Variants in POLR1B observed in about 807,000 individuals in gnomAD.
POLR1B encodes RNA polymerase I subunit B, also known as DNA-directed RNA polymerase I subunit RPA2.
Under a neutral mutation model 105.8 loss-of-function variants are expected in POLR1B, and 30 were observed. That is an observed-to-expected ratio of 0.28 (90% CI 0.21 to 0.38). The LOEUF is 0.38. Ranked by LOEUF, POLR1B falls within the 10% of genes least tolerant of loss-of-function variation. The pLI is 1.00. For missense variants in POLR1B, 976 were observed against 1,435.8 expected (o/e 0.68, Z 5.17); for synonymous variants, 485 against 505.1 (o/e 0.96, Z 0.53).
intron 4 of POLR1B, among the ~76,000 whole-genome samples, chr2:112,550,525 A>G (rs1035646939): frequency 6.6e-6 from 1 of 152,122 alleles, no homozygotes; most frequent in Non-Finnish European, 1.5e-5. Flanking sequence ...ACTTTTCTCC[A>G]TTGGAACTAT....
upstream of POLR1B, chr2:112,542,212 C>T: frequency 1.3e-6 from 2 of 1,535,696 alleles, no homozygotes. Flanking sequence ...CCTGCGGCAT[C>T]TTTCGCGAGC....
At chr2:112,542,758 A>G in intron 1 of POLR1B, 87 bp downstream of exon 1, 2 of 1,484,612 alleles carry the variant, frequency 1.3e-6, no homozygotes, top group Non-Finnish European at 1.8e-6. Flanking sequence ...CCCCAGATGC[A>G]TGTGCTCCTT....
At chr2:112,549,126 C>A in intron 3 of POLR1B, 141 bp from the exon 4 acceptor site, 1 of 891,496 alleles carries the variant, frequency 1.1e-6, no homozygotes, top group South Asian at 1.6e-5. Context: ...TGTCTGTGTA[C>A]TGTTTTCAAG....
At position 112,575,739 on chromosome 2, in the gene POLR1B, G is replaced by T; in HGVS notation, c.*10G>T. Reference sequence around the variant, plus strand: ...ACTGGATGTTGTTTAACTTGATGTTGACCTTTTGGATTAAGAGGACTATCA... The same window carrying T: ...ACTGGATGTTGTTTAACTTGATGTTTACCTTTTGGATTAAGAGGACTATCA... On this transcript the variant is annotated 3_prime_UTR_variant, in exon 15 of 15. Transcript: ENST00000263331. The surrounding 1 kb of genome is among the most constrained non-coding windows in gnomAD (Gnocchi z 5.3). 1.9e-6 allele frequency: 3 copies of T among 1,600,324 alleles called. No individual in the cohort carries two copies. The highest frequency in any genetic ancestry group is 2.2e-5 in the South Asian group (2 of 90,382).
rs1270159921 is a variant in POLR1B, at chr2:112,547,582, C to T, written c.492+15C>T. The stretch of plus-strand genomic sequence containing the variant: ...AGGAGGCAGAGGTAATGACGGGCGT[C>T]CAGGCATGAGACAGTAGAGAAGGCC... On this transcript the variant is annotated intron_variant, in intron 3 of 14. Coordinates refer to ENST00000263331, the MANE Select transcript of POLR1B (RefSeq NM_019014.6). The T allele has an allele frequency of 2.5e-6, 4 of 1,612,948 alleles. No individual in the cohort carries two copies. In the South Asian group the frequency reaches 4.4e-5, roughly 18 times the overall value.
At chr2:112,542,184 G>A (rs1485727776), upstream of POLR1B, 3 of 1,535,730 alleles carry the variant, frequency 2.0e-6, no homozygotes, top group South Asian at 3.6e-5. Context: ...GCTCAACTGG[G>A]CGGGGAGCGG....
chr2:112,570,801 CAG>C (rs1385654004), intron 12 of POLR1B, among the ~76,000 whole-genome samples: 3 of 137,278 alleles, frequency 2.2e-5, no homozygotes, highest in East Asian at 4.2e-4. Flanking sequence ...TTTTTTGAGA[CAG>C]GGTATCGCTC....
At chr2:112,561,625 T>TTTTTGTG (rs1683989044) in intron 9 of POLR1B, among the ~76,000 whole-genome samples, 1 of 152,194 alleles carries the variant, frequency 6.6e-6, no homozygotes, top group Non-Finnish European at 1.5e-5. Context: ...ATATGTAGCC[T>TTTTTGTG]TGTTTTTTGT....
chr2:112,561,528 C>A (rs1683984123), intron 9 of POLR1B, among the ~76,000 whole-genome samples: 1 of 151,820 alleles, frequency 6.6e-6, no homozygotes, highest in Non-Finnish European at 1.5e-5. Flanking sequence ...TTAAAGTTAC[C>A]AGTGAATATT....
In POLR1B at chr2:112,547,212, A is replaced by G. The variant is rs1279756929; in HGVS notation, c.345+33A>G. ...CTAGTGATACTGTGTGACTCTCAAC[A>G]CTGCACATATTTGGGAGTAGGGCGG... On this transcript the variant is annotated intron_variant, in intron 2 of 14. Transcript: ENST00000263331. The G allele has an allele frequency of 5.6e-6, 9 of 1,608,890 alleles. No individual in the cohort carries two copies. In the East Asian group the frequency reaches 1.3e-4, roughly 24 times the overall value.
Position 112,553,944 on chromosome 2 carries a change from A to G in POLR1B, c.1158+1128A>G, listed in dbSNP as rs150407732. Among the ~76,000 whole-genome samples, 14 of 152,306 alleles carry G rather than the reference A, an allele frequency of 9.2e-5. No homozygotes were observed. In the East Asian group the frequency reaches 2.5e-3, roughly 27 times the overall value. On this transcript the variant is annotated intron_variant, in intron 7 of 14. Coordinates refer to ENST00000263331, the MANE Select transcript of POLR1B (RefSeq NM_019014.6). ...AATGATTTCATAAGAATATTGATTC[A>G]GTGGCATTTTATATTTTGCATCTTA...
chr2:112,574,954 C>CT lies in POLR1B; in HGVS notation c.2634dup (p.Ile879TyrfsTer4). The stretch of plus-strand genomic sequence containing the variant: ...ACTATGAGAGTGCCTCGGAACCCAA[C>CT]TATCGGAGATAAATTTGCCAGTCGC... On this transcript the variant is annotated frameshift_variant, in exon 15 of 15. Coordinates refer to ENST00000263331, the MANE Select transcript of POLR1B (RefSeq NM_019014.6). LOFTEE classifies it high-confidence loss of function. 1 of 1,614,148 alleles carries CT rather than the reference C, an allele frequency of 6.2e-7. No homozygotes were observed. The highest frequency in any genetic ancestry group is 1.7e-5 in the Admixed American group (1 of 60,010).
At position 112,576,135 on chromosome 2, in the gene POLR1B, G is replaced by T; in HGVS notation, c.*406G>T. ...TAATGTAATTTTATATTTTCTTATA[G>T]CCACGTTGAAGTAAAAACAAACAGG... On this transcript the variant is annotated 3_prime_UTR_variant, in exon 15 of 15. Coordinates refer to ENST00000263331, the MANE Select transcript of POLR1B (RefSeq NM_019014.6). The T allele has an allele frequency of 6.1e-6, 1 of 164,478 alleles. No individual in the cohort carries two copies. The highest frequency in any genetic ancestry group is 1.3e-5 in the Non-Finnish European group (1 of 75,460). The allele number at this position is 164,478 out of a possible 1,614,324, so 10.2% of individuals were successfully genotyped here.
chr2:112,577,911 C>G lies in POLR1B; in HGVS notation c.*2182C>G, dbSNP rs986451816. Among the ~76,000 whole-genome samples the G allele has an allele frequency of 1.3e-4, 19 of 151,170 alleles. No individual in the cohort carries two copies. The highest frequency in any genetic ancestry group is 4.4e-4 in the African/African-American group (18 of 41,112). On this transcript the variant is annotated 3_prime_UTR_variant, in exon 15 of 15. Coordinates refer to ENST00000263331, the MANE Select transcript of POLR1B (RefSeq NM_019014.6). ...AAAAGATAGGCTTTGCTTCAGGAAGCTGGTTGAGAAGAAGAAGGAAAAAGT... is the reference window on the plus strand; with the variant it reads ...AAAAGATAGGCTTTGCTTCAGGAAGGTGGTTGAGAAGAAGAAGGAAAAAGT...
intron 14 of POLR1B, 56 bp downstream of exon 14, chr2:112,573,871 G>C: frequency 1.3e-6 from 2 of 1,569,202 alleles, no homozygotes; most frequent in Non-Finnish European, 8.7e-7. Flanking sequence ...TTTTGAGACA[G>C]GGTCTCAGTG....
rs1224718866 is a variant in POLR1B at position 112,575,768 on chromosome 2, T to G, written c.*39T>G. 5.8e-6 allele frequency: 9 copies of G among 1,548,912 alleles called. No homozygotes were observed. The highest frequency in any genetic ancestry group is 1.9e-5 in the Admixed American group (1 of 53,892). The stretch of plus-strand genomic sequence containing the variant: ...TTTTGGATTAAGAGGACTATCAGAT[T>G]AAAGCAAAATGTAATTTTAATTCAA... On this transcript the variant is annotated 3_prime_UTR_variant, in exon 15 of 15. Coordinates refer to ENST00000263331, the MANE Select transcript of POLR1B (RefSeq NM_019014.6). The surrounding 1 kb of genome is among the most constrained non-coding windows in gnomAD (Gnocchi z 5.3).
chr2:112,558,744 G>A (rs974119191), intron 8 of POLR1B, among the ~76,000 whole-genome samples: 3 of 151,610 alleles, frequency 2.0e-5, no homozygotes, highest in Non-Finnish European at 2.9e-5. Context: ...TCAGCCCCAC[G>A]AGTAGCTGTG....
At chr2:112,552,140 G>T (rs567728744) in intron 6 of POLR1B, 142 bp downstream of exon 6, 1 of 588,274 alleles carries the variant, frequency 1.7e-6, no homozygotes, top group South Asian at 3.2e-5. Flanking sequence ...CTAGCCGGGG[G>T]CTACCTTTGT....
Position 112,574,930 on chromosome 2 carries a change from C to CT in POLR1B, c.2610dup (p.Met871TyrfsTer12). 1 of 1,614,108 alleles carries CT rather than the reference C, an allele frequency of 6.2e-7. No homozygotes were observed. The highest frequency in any genetic ancestry group is 8.5e-7 in the Non-Finnish European group (1 of 1,180,028). ...GGAAAATTCAAGTGTGTTTGCATCA[C>CT]TATGAGAGTGCCTCGGAACCCAACT... is the stretch of plus-strand genomic sequence containing the variant. On this transcript the variant is annotated frameshift_variant, in exon 15 of 15. Coordinates refer to ENST00000263331, the MANE Select transcript of POLR1B (RefSeq NM_019014.6). LOFTEE classifies it high-confidence loss of function.
Sources: gnomAD v4.1 joint callset for allele counts (sites outside exome capture counted in the v4.1 genomes callset) on GRCh38, gnomAD v4.1.1 for gene constraint, Gnocchi (gnomAD v3.1) non-coding constraint, MANE v1.5 for transcripts, NCBI Gene and HGNC (gene_info 2026-07-23, HGNC 2026-07-21) for gene names.